TYW3: variants seen among roughly 807,000 people sequenced by gnomAD.
TYW3 encodes the protein tRNA-yW synthesizing protein 3 homolog.
A neutral mutation model predicts 23.1 loss-of-function variants in TYW3; 26 were observed. The ratio of observed to expected loss-of-function variants is 1.13; its 90% CI spans 0.83 to 1.56. The LOEUF is 1.56. TYW3 is among the 40% of genes most tolerant of loss of function. TYW3 has a pLI of 0.00. For missense variants in TYW3, 316 were observed against 311.9 expected, an observed-to-expected ratio of 1.01 and a Z score of -0.10; for synonymous variants, 102 against 105.7, an observed-to-expected ratio of 0.97 and a Z score of 0.21.
chr1:74,745,507 A>C (rs1002732610), intron 3 of TYW3, among the ~76,000 whole-genome samples: 1 of 152,062 alleles, frequency 6.6e-6, no homozygotes, highest in African/African-American at 2.4e-5. Flanking sequence ...TGCGTTTACA[A>C]TCCTTTAGCT....
At chr1:74,740,893 A>G (rs957188477) in intron 3 of TYW3, among the ~76,000 whole-genome samples, 2 of 152,226 alleles carry the variant, frequency 1.3e-5, no homozygotes, top group African/African-American at 2.4e-5. Flanking sequence ...CTTGACCCAG[A>G]AAGTCCAGCT....
chr1:74,746,146 CAG>C (rs1361882205), intron 3 of TYW3, among the ~76,000 whole-genome samples: 2 of 152,202 alleles, frequency 1.3e-5, no homozygotes, highest in Non-Finnish European at 2.9e-5. Flanking sequence ...GTCTGGAACT[CAG>C]GGGAGCCATG....
chr1:74,748,110 T>C (rs563180347), intron 3 of TYW3, among the ~76,000 whole-genome samples: 3 of 149,726 alleles, frequency 2.0e-5, no homozygotes, highest in East Asian at 2.0e-4. Flanking sequence ...CACTATTTGC[T>C]AGAGATCTCC....
At chr1:74,736,667 T>C (rs745336906) in intron 2 of TYW3, 45 bp downstream of exon 2, 1 of 1,414,794 alleles carries the variant, frequency 7.1e-7, no homozygotes, top group Admixed American at 1.9e-5. Flanking sequence ...TTAAATTCAG[T>C]TACTTTAAAT....
chr1:74,758,384 G>A (rs794395), intron 5 of TYW3, among the ~76,000 whole-genome samples: 30 of 151,932 alleles, frequency 2.0e-4, no homozygotes, highest in East Asian at 1.2e-3. Context: ...TCCCCCAGCC[G>A]TTTTCTTGGT....
At position 74,766,481 on chromosome 1, in the gene TYW3, G is replaced by C. The variant is rs1433957782; in HGVS notation, c.*2368G>C. ...TTTATATCTTAGTTTTTCACAAAAA[G>C]GTTTTTCCAATGTTAAAAAAAATAT... On this transcript the variant is annotated 3_prime_UTR_variant, in exon 6 of 6. Coordinates refer to ENST00000370867, the MANE Select transcript of TYW3 (RefSeq NM_138467.3). 1 of 151,894 alleles carries C rather than the reference G, an allele frequency of 6.6e-6. No individual in the cohort carries two copies. Among genetic ancestry groups the C allele is most frequent in the Non-Finnish European group, 1.5e-5 (1 of 67,950 alleles). 9.4% of individuals were successfully genotyped at this position (151,894 alleles called of 1,614,324 possible).
chr1:74,751,863 G>A (rs899094952), intron 4 of TYW3, among the ~76,000 whole-genome samples: 24 of 152,282 alleles, frequency 1.6e-4, no homozygotes, highest in South Asian at 1.5e-3. Context: ...GATAGAGGAG[G>A]CATAGTTTAC....
Position 74,764,067 on chromosome 1 carries a change from A to C in TYW3, c.734A>C (p.Asp245Ala), listed in dbSNP as rs1293236128. ...GATGAAGAACTTGAAAATGATGATG[A>C]TGATGATCTAGGAATCAATGTTACC... ...ESDEELENDD[D>A]DDLGINVTIF... is the part of the protein sequence containing the mutation. The change falls in exon 6 of 6, where the codon GAT (aspartate) becomes GCT (alanine). Residue 245 changes from aspartate (D) to alanine (A), a missense_variant. Asp to Ala is a moderately radical substitution (Grantham distance 126). Transcript: ENST00000370867. 6.2e-7 allele frequency: 1 copy of C among 1,613,310 alleles called. No individual in the cohort carries two copies. Among genetic ancestry groups the C allele is most frequent in the South Asian group, 1.1e-5 (1 of 90,954 alleles).
chr1:74,754,501 A>G (rs912423976), intron 5 of TYW3, among the ~76,000 whole-genome samples: 1 of 152,162 alleles, frequency 6.6e-6, no homozygotes, highest in African/African-American at 2.4e-5. Context: ...ATGCAGTGAA[A>G]GAGTTACTCT....
At chr1:74,740,407 A>G (rs1299829722) in intron 3 of TYW3, among the ~76,000 whole-genome samples, 2 of 152,232 alleles carry the variant, frequency 1.3e-5, no homozygotes, top group East Asian at 3.8e-4. Context: ...AGATTTATTA[A>G]GAGTGAAAGA....
chr1:74,734,768 A>G (rs377215693), intron 1 of TYW3, among the ~76,000 whole-genome samples: 14 of 152,276 alleles, frequency 9.2e-5, no homozygotes, highest in African/African-American at 3.4e-4. Flanking sequence ...AATAAAAAGT[A>G]TCTGCTTTAT....
intron 1 of TYW3, 186 bp from the exon 2 acceptor site, chr1:74,736,356 A>G (rs941218846): frequency 4.5e-5 from 18 of 399,420 alleles, no homozygotes; most frequent in African/African-American, 1.5e-4. Flanking sequence ...TTCTACCTCA[A>G]GTTATTTGGG....
At chr1:74,740,634 T>C (rs1162817405) in intron 3 of TYW3, among the ~76,000 whole-genome samples, 1 of 152,216 alleles carries the variant, frequency 6.6e-6, no homozygotes, top group East Asian at 1.9e-4. Context: ...AGAGTGCTGA[T>C]TGGTGCGTTT....
chr1:74,752,519 G>A, intron 5 of TYW3, 94 bp downstream of exon 5: 1 of 1,069,234 alleles, frequency 9.4e-7, no homozygotes, highest in Non-Finnish European at 1.3e-6. Flanking sequence ...AATGCCAACT[G>A]CTTATCTATT....
chr1:74,744,950 A>C (rs1648504599), intron 3 of TYW3, among the ~76,000 whole-genome samples: 1 of 151,990 alleles, frequency 6.6e-6, no homozygotes, highest in African/African-American at 2.4e-5. Context: ...TGACTTCAGG[A>C]GTGAAACTGC....
rs767606379 is a variant in TYW3 at position 74,738,690 on chromosome 1, A to G, written c.256A>G (p.Ile86Val). 71 of 1,601,802 alleles carry G rather than the reference A, an allele frequency of 4.4e-5. No homozygotes were observed. Among genetic ancestry groups the G allele is most frequent in the Middle Eastern group, 1.7e-4 (1 of 6,034 alleles). The change falls in exon 3 of 6, where the codon ATT (isoleucine) becomes GTT (valine). Residue 86 changes from isoleucine (I) to valine (V), a missense_variant and splice_region_variant. Coordinates refer to ENST00000370867, the MANE Select transcript of TYW3 (RefSeq NM_138467.3). ...CTGATACCACTGTTCATTTATTTAG[A>G]TTGTAGCTCTGAAGAAAGCAAATGG... is the stretch of plus-strand genomic sequence containing the variant. ...THKLCVKDDV[I>V]VALKKANGDA...
intron 5 of TYW3, 100 bp from the exon 6 acceptor site, chr1:74,763,794 G>A (rs1649205308): frequency 2.5e-6 from 2 of 792,528 alleles, no homozygotes; most frequent in South Asian, 4.2e-5. Flanking sequence ...AAGCTAATAT[G>A]GGACATAGTC....
intron 5 of TYW3, among the ~76,000 whole-genome samples, chr1:74,753,682 C>T (rs1648863829): frequency 6.6e-6 from 1 of 152,058 alleles, no homozygotes; most frequent in Non-Finnish European, 1.5e-5. Flanking sequence ...CTGCCCTGAC[C>T]CTGTTATGTT....
chr1:74,753,659 G>A (rs1648863169), intron 5 of TYW3, among the ~76,000 whole-genome samples: 2 of 152,208 alleles, frequency 1.3e-5, no homozygotes, highest in South Asian at 4.1e-4. Flanking sequence ...ATTAGATAGT[G>A]TATTTATAAT....
Sources: gnomAD v4.1 joint callset for allele counts (sites outside exome capture counted in the v4.1 genomes callset) on GRCh38, gnomAD v4.1.1 for gene constraint, MANE v1.5 for transcripts, NCBI Gene and HGNC (gene_info 2026-07-23, HGNC 2026-07-21) for gene names.